Variants in JAML observed in about 807,000 individuals in gnomAD.
JAML encodes the protein junction adhesion molecule like.
A neutral mutation model predicts 39.3 loss-of-function variants in JAML; 25 were observed. The observed-to-expected ratio is 0.64, with a 90% CI of 0.46 to 0.89. The LOEUF (loss-of-function observed/expected upper bound fraction) is 0.89, where lower values mean the gene tolerates loss of function less well. Ranked by LOEUF, JAML falls within the 40% of genes least tolerant of loss-of-function variation. JAML has a pLI of 0.00. For synonymous variants in JAML, 162 were observed against 179.2 expected (o/e 0.90, Z 0.77); for missense variants, 440 against 486.9 (o/e 0.90, Z 0.91).
chr11:118,212,670 C>T, intron 2 of JAML, 109 bp from the exon 3 acceptor site: 1 of 1,517,996 alleles, frequency 6.6e-7, no homozygotes, highest in Non-Finnish European at 8.8e-7. Context: ...GATGATCCAA[C>T]ATAGACAAAG....
intron 9 of JAML, among the ~76,000 whole-genome samples, chr11:118,195,808 T>C (rs901030103): frequency 2.0e-5 from 3 of 152,176 alleles, no homozygotes; most frequent in African/African-American, 7.2e-5. Context: ...CCAAGGATCT[T>C]ATCCTATTTA....
At chr11:118,210,056 T>A (rs1793176) in intron 4 of JAML, among the ~76,000 whole-genome samples, 120,645 of 152,060 alleles carry the variant, frequency 0.79, 48,326 homozygotes, top group African/African-American at 0.91. Flanking sequence ...ATCCCCCAGA[T>A]CACCTAACAT....
intron 6 of JAML, 73 bp downstream of exon 6, chr11:118,203,355 G>T: frequency 7.2e-7 from 1 of 1,380,320 alleles, no homozygotes; most frequent in Non-Finnish European, 1.0e-6. Context: ...GAACCTCTCC[G>T]GCCTCACTCT....
intron 6 of JAML, chr11:118,202,155 C>G (rs543011952): frequency 1.3e-5 from 2 of 152,386 alleles, no homozygotes; most frequent in South Asian, 4.1e-4. Flanking sequence ...AGATACCAAA[C>G]ACAGACCTTT....
At chr11:118,200,390 GC>G (rs1040626949) in intron 7 of JAML, 83 bp downstream of exon 7, 1 of 1,495,218 alleles carries the variant, frequency 6.7e-7, no homozygotes, top group African/African-American at 1.4e-5. Context: ...CATAAGTAGG[GC>G]CCTATCACCC....
chr11:118,222,410 C>A lies in JAML; in HGVS notation c.-21+2531G>T, dbSNP rs148887999. ...ATTCCAACCTGGCGACAGAGCGAGA[C>A]TCCATCTAAACAAACAAAAAGCCCC... On this transcript the variant is annotated intron_variant, in intron 1 of 9. Transcript: ENST00000356289. This position sits in a 1 kb window ranked among gnomAD's most constrained non-coding sequence, Gnocchi z 4.2. Among the ~76,000 whole-genome samples the A allele has an allele frequency of 6.6e-6, 1 of 151,922 alleles. No individual in the cohort carries two copies. Among genetic ancestry groups the A allele is most frequent in the African/African-American group, 2.4e-5 (1 of 41,442 alleles).
In JAML at chr11:118,203,337, C is replaced by T. The variant is rs1948850007; in HGVS notation, c.772+91G>A. Reference sequence around the variant, plus strand: ...GAGAGGGATGCCTCCTTCAATTTTGCATCCTAGGAACCTCTCCGGCCTCAC... The same window carrying T: ...GAGAGGGATGCCTCCTTCAATTTTGTATCCTAGGAACCTCTCCGGCCTCAC... On this transcript the variant is annotated intron_variant, in intron 6 of 9. Coordinates refer to ENST00000356289, the MANE Select transcript of JAML (RefSeq NM_001098526.2). The T allele has an allele frequency of 5.8e-6, 7 of 1,198,190 alleles. No homozygotes were observed. The Admixed American group carries it at 1.0e-4, about 18-fold the overall frequency. 74.2% of individuals were successfully genotyped at this position (1,198,190 alleles called of 1,614,324 possible).
At chr11:118,218,455 C>G (rs1949171663) in intron 1 of JAML, among the ~76,000 whole-genome samples, 1 of 152,140 alleles carries the variant, frequency 6.6e-6, no homozygotes, top group Non-Finnish European at 1.5e-5. Flanking sequence ...GTCTAATTAT[C>G]TATTTATTTG....
At chr11:118,216,228 G>A (rs865950701) in intron 1 of JAML, among the ~76,000 whole-genome samples, 10 of 151,980 alleles carry the variant, frequency 6.6e-5, no homozygotes, top group Admixed American at 1.3e-4. Context: ...AAAATTAGCC[G>A]GGCATGGTGG....
At chr11:118,221,908 C>T (rs908911397) in intron 1 of JAML, among the ~76,000 whole-genome samples, 1 of 152,120 alleles carries the variant, frequency 6.6e-6, no homozygotes, top group African/African-American at 2.4e-5. Flanking sequence ...TTGTGTGTCC[C>T]TGTTTAAGTT....
At position 118,216,211 on chromosome 11, in the gene JAML, A is replaced by G. The variant is rs1949139127; in HGVS notation, c.-20-1325T>C. 1.3e-5 allele frequency among the ~76,000 whole-genome samples: 2 copies of G among 152,022 alleles called. 1 individual carries two copies. The highest frequency in any genetic ancestry group is 4.2e-4 in the South Asian group (2 of 4,800). Reference sequence around the variant, plus strand: ...ACGGTGAAACCCCATCTCTACTAAAAATACAAAAAATTAGCCGGGCATGGT... The same window carrying G: ...ACGGTGAAACCCCATCTCTACTAAAGATACAAAAAATTAGCCGGGCATGGT... On this transcript the variant is annotated intron_variant, in intron 1 of 9. Coordinates refer to ENST00000356289, the MANE Select transcript of JAML (RefSeq NM_001098526.2).
Position 118,210,470 on chromosome 11 carries a change from A to G in JAML, c.424+17T>C. Reference sequence around the variant, plus strand: ...GCTCTTGCCCCTTGGCCCCTCTTTAAGTAAGCATTTGCGTACCTTTGGGCT... The same window carrying G: ...GCTCTTGCCCCTTGGCCCCTCTTTAGGTAAGCATTTGCGTACCTTTGGGCT... On this transcript the variant is annotated intron_variant, in intron 4 of 9. Coordinates refer to ENST00000356289, the MANE Select transcript of JAML (RefSeq NM_001098526.2). 6.2e-7 allele frequency: 1 copy of G among 1,612,702 alleles called. No individual in the cohort carries two copies. The highest frequency in any genetic ancestry group is 8.5e-7 in the Non-Finnish European group (1 of 1,179,514).
intron 1 of JAML, among the ~76,000 whole-genome samples, chr11:118,216,385 AT>A (rs1366769717): frequency 3.4e-5 from 5 of 146,742 alleles, no homozygotes; most frequent in Non-Finnish European, 6.0e-5. Context: ...AAAAAAAAAA[AT>A]TGATTACTTA....
chr11:118,210,846 T>C (rs1949043551), intron 3 of JAML, 134 bp from the exon 4 acceptor site: 1 of 687,864 alleles, frequency 1.5e-6, no homozygotes, highest in East Asian at 2.7e-5. Flanking sequence ...GGTACCCAGT[T>C]AATAAAAATA....
chr11:118,219,966 C>G (rs1632222), intron 1 of JAML, among the ~76,000 whole-genome samples: 13,805 of 152,284 alleles, frequency 0.091, 2,097 homozygotes, highest in African/African-American at 0.31. Context: ...TGACAACTGA[C>G]CAGGGCCACT....
At chr11:118,203,769 G>A (rs1214648758) in intron 5 of JAML, 104 bp from the exon 6 acceptor site, 2 of 900,702 alleles carry the variant, frequency 2.2e-6, no homozygotes, top group East Asian at 2.4e-5. Flanking sequence ...GCCCTGCTAG[G>A]TGAAGGCAGT....
chr11:118,209,210 C>T (rs943215820), intron 4 of JAML: 6 of 228,998 alleles, frequency 2.6e-5, no homozygotes, highest in Non-Finnish European at 3.5e-5. Flanking sequence ...GTCAAAGAGG[C>T]GAAAAAAACT....
chr11:118,203,829 A>G (rs1041903875), intron 5 of JAML, 164 bp from the exon 6 acceptor site: 3 of 631,792 alleles, frequency 4.7e-6, no homozygotes, highest in Admixed American at 2.5e-5. Context: ...GTACACACAC[A>G]TGTGCATGCG....
chr11:118,213,174 C>T (rs1398788261), intron 2 of JAML: 2 of 1,391,040 alleles, frequency 1.4e-6, no homozygotes, highest in African/African-American at 2.9e-5. Context: ...CCTCTAGGTG[C>T]TTCACACAGG....
Sources: gnomAD v4.1 joint callset for allele counts (sites outside exome capture counted in the v4.1 genomes callset) on GRCh38, gnomAD v4.1.1 for gene constraint, Gnocchi (gnomAD v3.1) non-coding constraint, MANE v1.5 for transcripts, NCBI Gene and HGNC (gene_info 2026-07-23, HGNC 2026-07-21) for gene names.